STARD13: variants seen among roughly 807,000 people sequenced by gnomAD.
STARD13 encodes the protein StAR related lipid transfer domain containing 13.
STARD13 carries 62 observed loss-of-function variants against 106.4 expected under a neutral mutation model. The ratio of observed to expected loss-of-function variants is 0.58; its 90% CI spans 0.48 to 0.72. The LOEUF (loss-of-function observed/expected upper bound fraction) is 0.72, where lower values mean the gene tolerates loss of function less well. Ranked by LOEUF, STARD13 falls within the 30% of genes least tolerant of loss-of-function variation. The pLI, the probability that STARD13 is intolerant of heterozygous loss-of-function variation, is 0.00. For missense variants in STARD13, 1,387 were observed against 1,424.0 expected, an observed-to-expected ratio of 0.97 and a Z score of 0.42; for synonymous variants, 565 against 553.0, an observed-to-expected ratio of 1.02 and a Z score of -0.31.
chr13:33,110,170 G>T, intron 11 of STARD13, 80 bp from the exon 12 acceptor site: 1 of 1,286,796 alleles, frequency 7.8e-7, no homozygotes, highest in Non-Finnish European at 1.1e-6. Context: ...TTTTAGTTTT[G>T]CTATCATACC....
At chr13:33,602,606 A>G in the STARD13 span, among the ~76,000 whole-genome samples, 1 of 152,204 alleles carries the variant, frequency 6.6e-6, no homozygotes, top group Non-Finnish European at 1.5e-5. Flanking sequence ...AAGCTGACCC[A>G]ATAGTCCCAT....
the STARD13 span, among the ~76,000 whole-genome samples, chr13:33,667,140 C>T: frequency 6.6e-6 from 1 of 152,176 alleles, no homozygotes; most frequent in African/African-American, 2.4e-5. Context: ...TTCATTCTTG[C>T]CATTTCTGTT....
intron 1 of STARD13, among the ~76,000 whole-genome samples, chr13:33,216,291 A>G (rs1888038094): frequency 6.6e-6 from 1 of 152,204 alleles, no homozygotes. Context: ...AAAATTCGCA[A>G]TTGCAAAAAT....
the STARD13 span, among the ~76,000 whole-genome samples, chr13:33,362,817 C>T: frequency 6.6e-6 from 1 of 152,236 alleles, no homozygotes; most frequent in Non-Finnish European, 1.5e-5. Context: ...CTTGCCCCTT[C>T]ACTAGACTGT....
At chr13:33,185,965 A>G in intron 1 of STARD13, 1 of 1,614,204 alleles carries the variant, frequency 6.2e-7, no homozygotes, top group East Asian at 2.2e-5. Flanking sequence ...CGCAGCACCA[A>G]GCACCACAAA....
At chr13:33,371,668 G>A in the STARD13 span, among the ~76,000 whole-genome samples, 1 of 152,130 alleles carries the variant, frequency 6.6e-6, no homozygotes, top group African/African-American at 2.4e-5. Flanking sequence ...ATGTTCGGTT[G>A]GTCCCTTGAA....
At chr13:33,473,202 A>G in the STARD13 span, among the ~76,000 whole-genome samples, 1 of 152,202 alleles carries the variant, frequency 6.6e-6, no homozygotes, top group Admixed American at 6.5e-5. Context: ...CAGAGAGATG[A>G]ATCTGGTGTC....
chr13:33,499,523 TTCTTCTTCTTCTTCTTC>T, the STARD13 span, among the ~76,000 whole-genome samples: 125 of 50,394 alleles, frequency 2.5e-3, 8 homozygotes, highest in East Asian at 7.1e-3. Context: ...TCTTTCTTTC[TTCTTCTTCTTCTTCTTC>T]TTCTTCTTCT....
chr13:33,466,871 T>C, the STARD13 span, among the ~76,000 whole-genome samples: 2 of 152,182 alleles, frequency 1.3e-5, no homozygotes, highest in Non-Finnish European at 2.9e-5. Context: ...ATCAAAAGTC[T>C]TTAAAGCCAC....
At chr13:33,381,144 G>C in the STARD13 span, among the ~76,000 whole-genome samples, 2 of 152,142 alleles carry the variant, frequency 1.3e-5, no homozygotes, top group Non-Finnish European at 2.9e-5. Context: ...AAATTTAGTA[G>C]ATGCCAAATA....
At chr13:33,357,309 C>T in the STARD13 span, among the ~76,000 whole-genome samples, 1 of 152,152 alleles carries the variant, frequency 6.6e-6, no homozygotes, top group African/African-American at 2.4e-5. Context: ...ATATTTATTC[C>T]ACAAATATGT....
the STARD13 span, among the ~76,000 whole-genome samples, chr13:33,514,881 C>T: frequency 6.6e-6 from 1 of 152,006 alleles, no homozygotes; most frequent in Non-Finnish European, 1.5e-5. Flanking sequence ...CAAGATTCCT[C>T]GGGAGAAAAA....
At chr13:33,565,509 T>C in the STARD13 span, among the ~76,000 whole-genome samples, 1 of 148,112 alleles carries the variant, frequency 6.8e-6, no homozygotes, top group African/African-American at 2.5e-5. Flanking sequence ...TGATAAAATG[T>C]GTAATATATT....
At chr13:33,437,312 G>T in the STARD13 span, among the ~76,000 whole-genome samples, 1 of 152,126 alleles carries the variant, frequency 6.6e-6, no homozygotes, top group Non-Finnish European at 1.5e-5. Flanking sequence ...CCTCTCACAT[G>T]CACCTCCTTA....
At chr13:33,465,996 C>T in the STARD13 span, among the ~76,000 whole-genome samples, 1 of 152,140 alleles carries the variant, frequency 6.6e-6, no homozygotes, top group South Asian at 2.1e-4. Flanking sequence ...ATTCCAGAGT[C>T]CCCACTGAGG....
At chr13:33,626,947 C>T in the STARD13 span, among the ~76,000 whole-genome samples, 3 of 152,180 alleles carry the variant, frequency 2.0e-5, no homozygotes, top group Non-Finnish European at 4.4e-5. Context: ...TTCTGGCCAT[C>T]AGGACTAAAG....
chr13:33,192,401 G>A (rs1886314979), intron 1 of STARD13, among the ~76,000 whole-genome samples: 1 of 152,166 alleles, frequency 6.6e-6, no homozygotes, highest in Non-Finnish European at 1.5e-5. Context: ...AGGAGTATTT[G>A]CCCTGATATA....
the STARD13 span, among the ~76,000 whole-genome samples, chr13:33,367,671 A>G: frequency 6.6e-6 from 1 of 151,336 alleles, no homozygotes; most frequent in Admixed American, 6.6e-5. Context: ...TTTCATCCTC[A>G]TCAGAAAAGC....
At position 33,130,213 on chromosome 13, in the gene STARD13, C is replaced by T. The variant is rs200862645; in HGVS notation, c.464G>A (p.Arg155His). Residue 155 changes from arginine to histidine, a missense_variant, in exon 5 of 14, where the codon CGT (arginine) becomes CAT (histidine). Coordinates refer to ENST00000336934, the MANE Select transcript of STARD13 (RefSeq NM_178006.4). This position sits in a 1 kb window ranked among gnomAD's most constrained non-coding sequence, Gnocchi z 4.1. ...GAGCAGCGTGTAGAGGTCGTCCACA[C>T]GAGACCACCTGCGACTGGTTCTTTG... The part of the protein sequence containing the change: ...TFQRTSRRWS[R>H]VDDLYTLLPR... The T allele has an allele frequency of 4.3e-5, 70 of 1,611,898 alleles. 3 individuals carry two copies. The South Asian group carries it at 4.4e-4, about 10-fold the overall frequency.
Sources: allele counts gnomAD v4.1 joint callset (sites outside exome capture counted in the v4.1 genomes callset), GRCh38; gene constraint gnomAD v4.1.1; non-coding constraint Gnocchi (gnomAD v3.1); transcripts MANE v1.5; gene names NCBI Gene and HGNC (gene_info 2026-07-23, HGNC 2026-07-21).